The following RALY variants were observed in gnomAD, a reference collection of about 807,000 sequenced individuals.
RALY encodes RALY heterogeneous nuclear ribonucleoprotein, also known as RNA-binding protein Raly.
RALY carries 15 observed loss-of-function variants against 30.7 expected under a neutral mutation model. That is an observed-to-expected ratio of 0.49 (90% CI 0.33 to 0.75). The LOEUF (loss-of-function observed/expected upper bound fraction) is 0.75. RALY is among the 30% of genes least tolerant of loss of function. The pLI is 0.02. For synonymous variants in RALY, 177 were observed against 170.8 expected (o/e 1.04, Z -0.28); for missense variants, 339 against 414.3 (o/e 0.82, Z 1.58).
chr20:34,022,458 G>A (rs1331779767), intron 1 of RALY, among the ~76,000 whole-genome samples: 1 of 152,102 alleles, frequency 6.6e-6, no homozygotes, highest in Non-Finnish European at 1.5e-5. Flanking sequence ...CTCCATAACT[G>A]TTGACACTTG....
chr20:34,010,618 A>T (rs950021178), intron 1 of RALY, among the ~76,000 whole-genome samples: 2 of 152,198 alleles, frequency 1.3e-5, no homozygotes, highest in Non-Finnish European at 2.9e-5. Context: ...ATCATCCAGT[A>T]TGTGGAGTAC....
chr20:34,028,705 C>CAAAA (rs71338492), intron 1 of RALY, among the ~76,000 whole-genome samples: 7 of 20,444 alleles, frequency 3.4e-4, no homozygotes, highest in East Asian at 1.7e-3. Flanking sequence ...GACTCCATCT[C>CAAAA]AAAAAAAAAA....
intron 1 of RALY, among the ~76,000 whole-genome samples, chr20:34,002,778 C>G (rs529648153): frequency 6.6e-6 from 1 of 152,344 alleles, no homozygotes; most frequent in African/African-American, 2.4e-5. Flanking sequence ...TGGACACCCA[C>G]ACAGTTCTCT....
chr20:33,999,891 T>C (rs1391222679), intron 1 of RALY, among the ~76,000 whole-genome samples: 2 of 152,136 alleles, frequency 1.3e-5, no homozygotes, highest in East Asian at 1.9e-4. Context: ...GAATAATGAC[T>C]AGATGACCCA....
At chr20:34,052,142 T>C (rs1320851230) in intron 2 of RALY, among the ~76,000 whole-genome samples, 1 of 152,204 alleles carries the variant, frequency 6.6e-6, no homozygotes, top group African/African-American at 2.4e-5. Flanking sequence ...GTTAATAATT[T>C]GGGAAACATC....
At position 34,076,160 on chromosome 20, in the gene RALY, C is replaced by T. The variant is rs901102639; in HGVS notation, c.544+120C>T. On this transcript the variant is annotated intron_variant, in intron 6 of 9. Coordinates refer to ENST00000246194, the MANE Select transcript of RALY (RefSeq NM_016732.3). ...ACAAGTCTTCCACAGTTCTGCTGCT[C>T]TAACACAGCCAAGTATTTTCATGCA... The T allele has an allele frequency of 3.3e-6, 4 of 1,213,076 alleles. No homozygotes were observed. The African/African-American group carries it at 6.1e-5, about 19-fold the overall frequency. The allele number at this position is 1,213,076 out of a possible 1,614,324, so 75.1% of individuals were successfully genotyped here. A position where few individuals can be genotyped will look rare whatever the true frequency, so the allele number is the denominator to read the frequency against.
At chr20:34,036,989 G>A (rs143330558) in intron 2 of RALY, among the ~76,000 whole-genome samples, 73 of 151,758 alleles carry the variant, frequency 4.8e-4, no homozygotes, top group African/African-American at 1.7e-3. Context: ...CTGCTGCTTT[G>A]GGTCTAGTTT....
intron 2 of RALY, among the ~76,000 whole-genome samples, chr20:34,048,810 C>G (rs1420612407): frequency 2.1e-5 from 3 of 145,768 alleles, no homozygotes; most frequent in Non-Finnish European, 4.5e-5. Context: ...GAGCCGAGAT[C>G]GCACCACTGC....
chr20:34,014,776 T>TA (rs2031542793), intron 1 of RALY, among the ~76,000 whole-genome samples: 1 of 152,244 alleles, frequency 6.6e-6, no homozygotes, highest in Non-Finnish European at 1.5e-5. Context: ...ACATTAGTCT[T>TA]ACATTTAAAC....
intron 2 of RALY, among the ~76,000 whole-genome samples, chr20:34,052,970 T>C (rs1300669428): frequency 7.2e-5 from 11 of 152,320 alleles, no homozygotes. Context: ...AAGTTGGCTT[T>C]GGCATTTAGT....
intron 1 of RALY, among the ~76,000 whole-genome samples, chr20:34,027,821 C>G (rs1226319212): frequency 3.3e-5 from 5 of 152,218 alleles, no homozygotes; most frequent in Non-Finnish European, 7.3e-5. Flanking sequence ...CTCTCCCATC[C>G]TAACTCTGCC....
chr20:33,999,915 A>G (rs113464020), intron 1 of RALY, among the ~76,000 whole-genome samples: 4 of 152,230 alleles, frequency 2.6e-5, no homozygotes, highest in Admixed American at 6.5e-5. Flanking sequence ...GGTCCCTTCT[A>G]GCAATTACAT....
intron 2 of RALY, among the ~76,000 whole-genome samples, chr20:34,065,847 T>C (rs2033554496): frequency 6.6e-6 from 1 of 152,182 alleles, no homozygotes. Context: ...CCAGCAGGAC[T>C]GAACCAAGAC....
rs960897485 is a variant in RALY at position 34,075,929 on chromosome 20, G to A, written c.433G>A (p.Val145Met). 3 of 1,614,204 alleles carry A rather than the reference G, an allele frequency of 1.9e-6. No homozygotes were observed. Among genetic ancestry groups the A allele is most frequent in the Admixed American group, 3.3e-5 (2 of 60,014 alleles). ...CGTGCCAGTGCCCAGGGCGGTCCCT[G>A]TGAAGCGACCCCGGGTCACAGTCCC... ...SPVPVPRAVP[V>M]KRPRVTVPLV... Residue 145 changes from valine to methionine, a missense_variant, in exon 6 of 10, where the codon GTG (valine) becomes ATG (methionine). Val to Met is a conservative substitution (Grantham distance 21). Transcript: ENST00000246194.
chr20:34,067,800 A>G (rs2033616130), intron 2 of RALY, among the ~76,000 whole-genome samples: 1 of 142,066 alleles, frequency 7.0e-6, no homozygotes, highest in Admixed American at 7.4e-5. Context: ...TCTCAAACGT[A>G]GCTTTTTTCT....
At chr20:34,059,101 C>G (rs2033341802) in intron 2 of RALY, among the ~76,000 whole-genome samples, 1 of 152,140 alleles carries the variant, frequency 6.6e-6, no homozygotes. Flanking sequence ...ATGTTTGGAT[C>G]AGCACCCTGG....
intron 5 of RALY, 124 bp downstream of exon 5, chr20:34,073,990 G>T (rs2033803908): frequency 2.8e-6 from 3 of 1,077,020 alleles, no homozygotes; most frequent in Non-Finnish European, 4.1e-6. Flanking sequence ...GCCTGGGGTT[G>T]CTCCACCAGT....
At chr20:34,057,666 CAA>C (rs548450019) in intron 2 of RALY, among the ~76,000 whole-genome samples, 36 of 67,364 alleles carry the variant, frequency 5.3e-4, no homozygotes, top group African/African-American at 2.0e-3. Flanking sequence ...GACTCCGTCT[CAA>C]AAAAAAAAAA....
In RALY at chr20:34,044,561, C is replaced by T. The variant is rs555862680; in HGVS notation, c.-10+12957C>T. On this transcript the variant is annotated intron_variant, in intron 2 of 9. Coordinates refer to ENST00000246194, the MANE Select transcript of RALY (RefSeq NM_016732.3). ...TCTTGAACTCCTCACTTTAGGTGAT[C>T]GGCCGACCTCAGGTGATCCGCCTGC... is the stretch of plus-strand genomic sequence containing the variant. Among the ~76,000 whole-genome samples, 10 of 152,280 alleles carry T rather than the reference C, an allele frequency of 6.6e-5. No homozygotes were observed. In the East Asian group the frequency reaches 1.5e-3, roughly 23 times the overall value.
Sources: gnomAD v4.1 joint callset for allele counts (sites outside exome capture counted in the v4.1 genomes callset) on GRCh38, gnomAD v4.1.1 for gene constraint, MANE v1.5 for transcripts, NCBI Gene and HGNC (gene_info 2026-07-23, HGNC 2026-07-21) for gene names.